The following SERBP1 variants were observed in gnomAD, a reference collection of about 807,000 sequenced individuals.
SERBP1 encodes the protein SERPINE1 mRNA-binding protein 1.
A neutral mutation model predicts 50.2 loss-of-function variants in SERBP1; 6 were observed. That is an observed-to-expected ratio of 0.12 (90% CI 0.07 to 0.24). The LOEUF is 0.24. Ranked by LOEUF, SERBP1 falls within the 10% of genes least tolerant of loss-of-function variation. SERBP1 has a pLI of 1.00. For missense variants in SERBP1, 346 were observed against 524.9 expected (o/e 0.66, Z 3.33); for synonymous variants, 168 against 182.8 (o/e 0.92, Z 0.65).
chr1:67,425,832 TA>T (rs1176487525), intron 2 of SERBP1, among the ~76,000 whole-genome samples: 1 of 152,178 alleles, frequency 6.6e-6, no homozygotes, highest in Non-Finnish European at 1.5e-5. Flanking sequence ...TGTGACTCTA[TA>T]AAGTAACAAA....
intron 6 of SERBP1, among the ~76,000 whole-genome samples, chr1:67,415,582 A>G (rs548556814): frequency 2.9e-4 from 44 of 152,352 alleles, no homozygotes; most frequent in Middle Eastern, 3.4e-3. Context: ...AACTAAAGAC[A>G]TGTATGCTAT....
intron 5 of SERBP1, among the ~76,000 whole-genome samples, chr1:67,422,612 A>G (rs1192548573): frequency 6.6e-6 from 1 of 152,000 alleles, no homozygotes; most frequent in Non-Finnish European, 1.5e-5. Flanking sequence ...GTCCTAAATA[A>G]CCTGTAATCC....
rs777320141 is a variant in SERBP1, at chr1:67,424,982, C to CA, written c.606-6dup. The CA allele has an allele frequency of 3.1e-6, 5 of 1,612,458 alleles. No homozygotes were observed. In the African/African-American group the frequency reaches 6.7e-5, roughly 22 times the overall value. On this transcript the variant is annotated splice_polypyrimidine_tract_variant and splice_region_variant and intron_variant, in intron 3 of 7. Coordinates refer to ENST00000361219, the MANE Select transcript of SERBP1 (RefSeq NM_001018069.2). Reference sequence around the variant, plus strand: ...CCACTGTAATGTGAAAAAGAACTAACAAAACTGAGTTAACATAATACTCTT... The same window carrying CA: ...CCACTGTAATGTGAAAAAGAACTAACAAAAACTGAGTTAACATAATACTCTT...
rs1667382546 is a variant in SERBP1 at position 67,426,430 on chromosome 1, C to G, written c.314-145G>C. 4 of 640,068 alleles carry G rather than the reference C, an allele frequency of 6.2e-6. No individual in the cohort carries two copies. In the Middle Eastern group the frequency reaches 8.0e-4, roughly 127 times the overall value. The allele number at this position is 640,068 out of a possible 1,614,324, so 39.6% of individuals were successfully genotyped here. On this transcript the variant is annotated intron_variant, in intron 1 of 7. Coordinates refer to ENST00000361219, the MANE Select transcript of SERBP1 (RefSeq NM_001018069.2). Reference sequence around the variant, plus strand: ...AACACTGGGCAACTCTAATGTGTAACAAAGTACCTTAGGAAAACTGCCATT... The same window carrying G: ...AACACTGGGCAACTCTAATGTGTAAGAAAGTACCTTAGGAAAACTGCCATT...
At chr1:67,426,106 C>T in intron 2 of SERBP1, 29 bp downstream of exon 2, 1 of 1,589,374 alleles carries the variant, frequency 6.3e-7, no homozygotes, top group South Asian at 1.1e-5. Flanking sequence ...TAGACCAAGA[C>T]CCTGGCTCAA....
chr1:67,414,641 T>C (rs1666946871), intron 7 of SERBP1, among the ~76,000 whole-genome samples: 1 of 152,142 alleles, frequency 6.6e-6, no homozygotes. Flanking sequence ...TTATAGAAAG[T>C]AAGCCAAAAA....
Position 67,415,245 on chromosome 1 carries a change from C to A in SERBP1, c.1046G>T (p.Arg349Leu). 2 of 1,613,184 alleles carry A rather than the reference C, an allele frequency of 1.2e-6. No homozygotes were observed. Among genetic ancestry groups the A allele is most frequent in the Non-Finnish European group, 1.7e-6 (2 of 1,179,558 alleles). Residue 349 changes from arginine (R) to leucine (L), a missense_variant, in exon 7 of 8, where the codon CGC becomes CTC. Coordinates refer to ENST00000361219, the MANE Select transcript of SERBP1 (RefSeq NM_001018069.2). The part of the protein sequence containing the change: ...QLEINFGDLG[R>L]PGRGGRGGRG... Reference sequence around the variant, plus strand: ...TCCTCCCCTGCCGCCACGTCCTGGGCGGCCAAGGTCTCCAAAATTGATCTC... The same window carrying A: ...TCCTCCCCTGCCGCCACGTCCTGGGAGGCCAAGGTCTCCAAAATTGATCTC...
Position 67,426,229 on chromosome 1 carries a change from T to C in SERBP1, c.370A>G (p.Ile124Val). The change falls in exon 2 of 8, where the codon ATT (isoleucine) becomes GTT (valine). Residue 124 changes from isoleucine (I) to valine (V), a missense_variant. Ile to Val is a conservative substitution (Grantham distance 29). This residue lies in a region of SERBP1 where 257 missense variants were observed against 331.2 expected (regional missense o/e 0.78). Transcript: ENST00000361219. ...DQQLQGEGKI[I>V]DRRPERRPPR... The stretch of plus-strand genomic sequence containing the variant: ...GGTCGCCTTTCTGGTCTTCTATCAA[T>C]TATTTTCCCTTCACCCTGAAGTTGT... 2 of 1,610,004 alleles carry C rather than the reference T, an allele frequency of 1.2e-6. No individual in the cohort carries two copies. Among genetic ancestry groups the C allele is most frequent in the Non-Finnish European group, 1.7e-6 (2 of 1,178,222 alleles).
chr1:67,424,028 GAAAA>G (rs1005664547), intron 5 of SERBP1, among the ~76,000 whole-genome samples, 168 bp downstream of exon 5: 1 of 150,420 alleles, frequency 6.6e-6, no homozygotes, highest in African/African-American at 2.4e-5. Context: ...ATTAAAAAAA[GAAAA>G]AAAAAGCATT....
chr1:67,424,172 C>T (rs1667295396), intron 5 of SERBP1, 28 bp downstream of exon 5: 1 of 1,581,494 alleles, frequency 6.3e-7, no homozygotes, highest in Non-Finnish European at 8.6e-7. Context: ...AATTCTGGGT[C>T]ATTACTATTA....
Position 67,415,280 on chromosome 1 carries a change from C to T in SERBP1, c.1011G>A (p.Thr337=), listed in dbSNP as rs1174309777. Residue 337 remains threonine (T), a synonymous_variant, in exon 7 of 8, where the codon ACG becomes ACA. Coordinates refer to ENST00000361219, the MANE Select transcript of SERBP1 (RefSeq NM_001018069.2). ...CTCCAAAATTGATCTCCAGCTGAGA[C>T]GTTATATCATTTGCTGGCTTCCGGA... ...HHFRKPANDI[T]SQLEINFGDL... is the part of the protein sequence containing the mutation. 1.4e-5 allele frequency: 22 copies of T among 1,611,238 alleles called. No individual in the cohort carries two copies. Among genetic ancestry groups the T allele is most frequent in the South Asian group, 4.4e-5 (4 of 90,354 alleles).
chr1:67,414,074 G>A (rs570128784), intron 7 of SERBP1, among the ~76,000 whole-genome samples: 1 of 152,130 alleles, frequency 6.6e-6, no homozygotes, highest in African/African-American at 2.4e-5. Flanking sequence ...ACAGGCGTGA[G>A]GCAGTGCGCC....
intron 1 of SERBP1, among the ~76,000 whole-genome samples, chr1:67,428,860 G>A (rs1360170754): frequency 6.6e-6 from 1 of 152,042 alleles, no homozygotes; most frequent in Non-Finnish European, 1.5e-5. Flanking sequence ...TTTCAGAGAA[G>A]CACGTGGCAG....
In SERBP1 at chr1:67,429,882, CAA is replaced by C. The variant is rs1259154901; in HGVS notation, c.313+104_313+105del. On this transcript the variant is annotated intron_variant, in intron 1 of 7. Transcript: ENST00000361219. ...TGAAGAAACGTGAGGATATAGGCGG[CAA>C]AGTCTCCCGCGGACCCTCGGAGCTC... 5.3e-5 allele frequency: 67 copies of C among 1,255,686 alleles called. No individual in the cohort carries two copies. In the East Asian group the frequency reaches 1.6e-3, roughly 29 times the overall value. 77.8% of individuals were successfully genotyped at this position (1,255,686 alleles called of 1,614,324 possible). A position where few individuals can be genotyped will look rare whatever the true frequency, so the allele number is the denominator to read the frequency against.
In SERBP1 at chr1:67,412,954, T is replaced by C. The variant is rs1666888493; in HGVS notation, c.*253A>G. 2.0e-6 allele frequency: 1 copy of C among 511,016 alleles called. No homozygotes were observed. The highest frequency in any genetic ancestry group is 3.4e-6 in the Non-Finnish European group (1 of 293,404). The allele number at this position is 511,016 out of a possible 1,614,324, so 31.7% of individuals were successfully genotyped here. A position where few individuals can be genotyped will look rare whatever the true frequency, so the allele number is the denominator to read the frequency against. On this transcript the variant is annotated 3_prime_UTR_variant, in exon 8 of 8. Transcript: ENST00000361219. ...TACAAAAGTATTCATGAAGAATGCA[T>C]AATCTCTGAAAATTATGAAAACATC...
At chr1:67,418,561 C>A (rs1667101089) in intron 6 of SERBP1, among the ~76,000 whole-genome samples, 1 of 151,938 alleles carries the variant, frequency 6.6e-6, no homozygotes, top group Non-Finnish European at 1.5e-5. Context: ...GAGTTTGAGA[C>A]CAGCCTGGCC....
chr1:67,421,908 T>C (rs1169395841), intron 5 of SERBP1, among the ~76,000 whole-genome samples: 2 of 152,048 alleles, frequency 1.3e-5, no homozygotes, highest in African/African-American at 4.8e-5. Flanking sequence ...CACTGCACTC[T>C]AGCATGGGAG....
rs1570274355 is a variant in SERBP1 at position 67,411,021 on chromosome 1, C to T, written c.*2186G>A. 1.3e-5 allele frequency: 2 copies of T among 152,136 alleles called. No homozygotes were observed. The highest frequency in any genetic ancestry group is 4.2e-4 in the South Asian group (2 of 4,816). 9.4% of individuals were successfully genotyped at this position (152,136 alleles called of 1,614,324 possible). ...GGAAACACATGACAATAAACATGAT[C>T]CTATTTGATTGTTTTTATGACTTTT... On this transcript the variant is annotated 3_prime_UTR_variant, in exon 8 of 8. Coordinates refer to ENST00000361219, the MANE Select transcript of SERBP1 (RefSeq NM_001018069.2).
intron 6 of SERBP1, among the ~76,000 whole-genome samples, chr1:67,416,222 A>G (rs1048999555): frequency 3.3e-5 from 5 of 152,176 alleles, no homozygotes; most frequent in Non-Finnish European, 7.3e-5. Flanking sequence ...AGTGTTGCTC[A>G]GGCTGGTCTC....
Sources: gnomAD v4.1 joint callset for allele counts (sites outside exome capture counted in the v4.1 genomes callset) on GRCh38, gnomAD v4.1.1 for gene constraint, gnomAD v4.1.1 regional missense constraint, MANE v1.5 for transcripts, NCBI Gene and HGNC (gene_info 2026-07-23, HGNC 2026-07-21) for gene names.